TDRD12: variants seen among roughly 807,000 people sequenced by gnomAD.
The protein encoded by TDRD12 is tudor domain containing 12, also known as putative ATP-dependent RNA helicase TDRD12.
A neutral mutation model predicts 133.5 loss-of-function variants in TDRD12; 158 were observed. The ratio of observed to expected loss-of-function variants is 1.18; its 90% CI spans 1.04 to 1.35. TDRD12 has a LOEUF of 1.35. TDRD12 is among the 40% of genes most tolerant of loss of function. TDRD12 has a pLI of 0.00. For synonymous variants in TDRD12, 460 were observed against 477.9 expected (o/e 0.96, Z 0.49); for missense variants, 1,443 against 1,321.3 (o/e 1.09, Z -1.43).
intron 2 of TDRD12, among the ~76,000 whole-genome samples, chr19:32,733,490 A>ATG (rs1421702212): frequency 6.6e-6 from 1 of 151,010 alleles, no homozygotes; most frequent in Admixed American, 6.6e-5. Flanking sequence ...AAAAATGTAT[A>ATG]TGTGTGTGTG....
At chr19:32,762,514 C>T (rs779082522) in intron 8 of TDRD12, among the ~76,000 whole-genome samples, 4 of 152,146 alleles carry the variant, frequency 2.6e-5, no homozygotes, top group Non-Finnish European at 2.9e-5. Flanking sequence ...TTTTTGGGAG[C>T]TGGCAAGCTC....
chr19:32,795,984 C>G (rs1971214238), intron 14 of TDRD12: 1 of 216,292 alleles, frequency 4.6e-6, no homozygotes, highest in Non-Finnish European at 7.9e-6. Flanking sequence ...ACCTCCAACA[C>G]TGGGGATTAC....
At chr19:32,734,592 C>T (rs1471966842) in intron 2 of TDRD12, among the ~76,000 whole-genome samples, 1 of 151,996 alleles carries the variant, frequency 6.6e-6, no homozygotes, top group Non-Finnish European at 1.5e-5. Flanking sequence ...AGGCTGGTCA[C>T]GAACTCCTGG....
chr19:32,827,435 A>G (rs1967633344), exon 10 of TDRD12: 2 of 302,958 alleles, frequency 6.6e-6, no homozygotes, highest in East Asian at 1.1e-4. Context: ...GCTGGAGTGC[A>G]GTGGCATGAT....
intron 4 of TDRD12, among the ~76,000 whole-genome samples, chr19:32,746,229 AGT>A (rs1969619782): frequency 2.1e-5 from 3 of 144,716 alleles, no homozygotes; most frequent in Admixed American, 6.9e-5. Context: ...AGAGAGAGAG[AGT>A]CTGGCTGATG....
rs532955729 is a variant in TDRD12, at chr19:32,826,443, A to G, written c.896-2A>G. On this transcript the variant is annotated splice_acceptor_variant, in intron 8 of 9. Coordinates refer to the TDRD12 transcript ENST00000637289. LOFTEE classifies it high-confidence loss of function. ...TGACTTTATTTCTTTTTATAAACCC[A>G]GTGCTTGGGTGGGAGACAAATTTTA... 8.0e-7 allele frequency: 1 copy of G among 1,248,866 alleles called. No individual in the cohort carries two copies. Among genetic ancestry groups the G allele is most frequent in the East Asian group, 3.1e-5 (1 of 32,780 alleles). The allele number at this position is 1,248,866 out of a possible 1,614,324, so 77.4% of individuals were successfully genotyped here. A position where few individuals can be genotyped will look rare whatever the true frequency, so the allele number is the denominator to read the frequency against.
chr19:32,744,514 A>AAC (rs1969536496), intron 4 of TDRD12, among the ~76,000 whole-genome samples: 3 of 150,716 alleles, frequency 2.0e-5, no homozygotes, highest in East Asian at 2.0e-4. Context: ...AAAAAAAAAA[A>AAC]AAAAAAAAAA....
intron 4 of TDRD12, among the ~76,000 whole-genome samples, chr19:32,744,338 A>G (rs1431071865): frequency 1.3e-5 from 2 of 151,556 alleles, no homozygotes; most frequent in Non-Finnish European, 2.9e-5. Flanking sequence ...CATCTCTACT[A>G]AAAACACAAA....
chr19:32,767,977 AT>A (rs1355785167), intron 8 of TDRD12, among the ~76,000 whole-genome samples: 7 of 152,230 alleles, frequency 4.6e-5, no homozygotes, highest in Non-Finnish European at 7.3e-5. Flanking sequence ...GAGAAAGAAT[AT>A]TTTGTGACAC....
intron 23 of TDRD12, among the ~76,000 whole-genome samples, chr19:32,810,948 CTTTAATTTGCTATGTTAATT>C (rs1966982193): frequency 6.6e-6 from 1 of 152,052 alleles, no homozygotes; most frequent in African/African-American, 2.4e-5. Flanking sequence ...AACTTTGAGA[CTTTAATTTGCTATGTTAATT>C]TTTATTATGT....
chr19:32,813,162 A>G (rs1967064025), intron 24 of TDRD12, among the ~76,000 whole-genome samples: 1 of 152,034 alleles, frequency 6.6e-6, no homozygotes, highest in African/African-American at 2.4e-5. Flanking sequence ...GGTGGAGGAG[A>G]GAGACCCTGT....
At chr19:32,773,358 G>A in intron 9 of TDRD12, 98 bp from the exon 10 acceptor site, 1 of 1,054,390 alleles carries the variant, frequency 9.5e-7, no homozygotes, top group Non-Finnish European at 1.4e-6. Context: ...TGGGATGGTT[G>A]TTCATGAGAA....
At chr19:32,771,081 G>A (rs1970430778) in intron 8 of TDRD12, among the ~76,000 whole-genome samples, 1 of 152,226 alleles carries the variant, frequency 6.6e-6, no homozygotes. Flanking sequence ...GAGGCCTCAG[G>A]AAGCTTCCAA....
At chr19:32,722,662 T>A (rs1427249021) in intron 1 of TDRD12, among the ~76,000 whole-genome samples, 1 of 148,802 alleles carries the variant, frequency 6.7e-6, no homozygotes, top group Non-Finnish European at 1.5e-5. Flanking sequence ...CATGTATCCT[T>A]TTATTATTTA....
chr19:32,798,366 G>C, exon 16 of TDRD12: 2 of 1,535,870 alleles, frequency 1.3e-6, no homozygotes, highest in Non-Finnish European at 1.7e-6. Context: ...GTCAGAGCCT[G>C]CTGTTCCTCA....
At chr19:32,725,994 A>G (rs1198312167) in intron 1 of TDRD12, among the ~76,000 whole-genome samples, 2 of 152,092 alleles carry the variant, frequency 1.3e-5, no homozygotes, top group African/African-American at 2.4e-5. Context: ...GGCATATATT[A>G]TATATTTTTT....
chr19:32,752,533 C>T (rs1969862498), intron 6 of TDRD12, among the ~76,000 whole-genome samples: 1 of 152,088 alleles, frequency 6.6e-6, no homozygotes, highest in African/African-American at 2.4e-5. Flanking sequence ...CCTCCTCCCC[C>T]ATATATTAAT....
chr19:32,826,367 T>C lies in TDRD12; in HGVS notation c.895+10T>C, dbSNP rs3746021. 41 of 1,274,772 alleles carry C rather than the reference T, an allele frequency of 3.2e-5. No individual in the cohort carries two copies. In the South Asian group the frequency reaches 7.1e-4, roughly 22 times the overall value. 79.0% of individuals were successfully genotyped at this position (1,274,772 alleles called of 1,614,324 possible). ...ATAGAGTCGTTTTCAGGTAGGTTTA[T>C]GTATAGTCATATAAAGTAAAATAGA... On this transcript the variant is annotated intron_variant, in intron 8 of 9. Transcript: ENST00000637289.
At chr19:32,771,587 C>CTT (rs78756152) in intron 8 of TDRD12, among the ~76,000 whole-genome samples, 14 of 143,650 alleles carry the variant, frequency 9.7e-5, no homozygotes, top group East Asian at 2.0e-4. Flanking sequence ...TCCCAATCTC[C>CTT]TTTTTTTTTT....
Sources: allele counts gnomAD v4.1 joint callset (sites outside exome capture counted in the v4.1 genomes callset), GRCh38; gene constraint gnomAD v4.1.1; transcripts MANE v1.5; gene names NCBI Gene and HGNC (gene_info 2026-07-23, HGNC 2026-07-21).